CAND1: variants seen among roughly 807,000 people sequenced by gnomAD.
The protein encoded by CAND1 is cullin associated and neddylation dissociated 1.
A neutral mutation model predicts 108.5 loss-of-function variants in CAND1; 7 were observed. That is an observed-to-expected ratio of 0.06 (90% CI 0.04 to 0.12). CAND1 has a LOEUF of 0.12. Among genes scored for constraint, CAND1 ranks in the 10% least tolerant of loss-of-function variants. The pLI is 1.00. For missense variants in CAND1, 941 were observed against 1,448.7 expected (o/e 0.65, Z 5.69); for synonymous variants, 534 against 512.0 (o/e 1.04, Z -0.58).
chr12:67,292,730 T>C lies in CAND1; in HGVS notation c.321T>C (p.Ser107=). The change falls in exon 3 of 15, where the codon AGT becomes AGC. Residue 107 remains serine (S), a synonymous_variant. Coordinates refer to ENST00000545606, the MANE Select transcript of CAND1 (RefSeq NM_018448.5). ...AAGAACAACTTCGAGACATTTCAAG[T>C]ATTGGTCTTAAAACAGTAATTGGAG... ...SDKEQLRDIS[S]IGLKTVIGEL... is the part of the protein sequence containing the mutation. The C allele has an allele frequency of 6.2e-7, 1 of 1,613,840 alleles. No individual in the cohort carries two copies.
intron 2 of CAND1, among the ~76,000 whole-genome samples, chr12:67,284,837 C>T (rs2044655083): frequency 1.4e-5 from 1 of 70,720 alleles, no homozygotes; most frequent in Non-Finnish European, 3.8e-5. Flanking sequence ...ATACCAGATA[C>T]ATTCACCCTA....
chr12:67,312,343 CA>C (rs777387684), intron 14 of CAND1, among the ~76,000 whole-genome samples: 1 of 151,962 alleles, frequency 6.6e-6, no homozygotes, highest in Non-Finnish European at 1.5e-5. Flanking sequence ...ATAGTTGAAA[CA>C]AAGAGTGTCC....
chr12:67,303,493 T>C (rs1216752956), intron 8 of CAND1, among the ~76,000 whole-genome samples: 1 of 152,210 alleles, frequency 6.6e-6, no homozygotes, highest in Non-Finnish European at 1.5e-5. Flanking sequence ...AGTCAGGTAT[T>C]GCTCAGTAGA....
chr12:67,297,281 A>T, intron 4 of CAND1, 126 bp from the exon 5 acceptor site: 1 of 882,578 alleles, frequency 1.1e-6, no homozygotes, highest in Admixed American at 1.8e-5. Flanking sequence ...TTCTTTCACT[A>T]TGAATTAGTC....
At chr12:67,276,417 A>G (rs1440083728) in intron 1 of CAND1, among the ~76,000 whole-genome samples, 4 of 152,204 alleles carry the variant, frequency 2.6e-5, no homozygotes, top group African/African-American at 9.7e-5. Flanking sequence ...AGTCAGGGAA[A>G]ACACACACTT....
intron 2 of CAND1, among the ~76,000 whole-genome samples, chr12:67,289,343 AG>A (rs1442216457): frequency 6.7e-6 from 1 of 150,370 alleles, no homozygotes; most frequent in Non-Finnish European, 1.5e-5. Context: ...CCCAGCCTCC[AG>A]AGTAGCTGGG....
At chr12:67,312,343 CAAAG>C (rs1183391018) in intron 14 of CAND1, among the ~76,000 whole-genome samples, 12 of 151,962 alleles carry the variant, frequency 7.9e-5, no homozygotes, top group Non-Finnish European at 1.5e-5. Context: ...ATAGTTGAAA[CAAAG>C]AGTGTCCTAC....
In CAND1 at chr12:67,297,871, CTA is replaced by C. The variant is rs779890420; in HGVS notation, c.854+20_854+21del. 8 of 1,447,950 alleles carry C rather than the reference CTA, an allele frequency of 5.5e-6. No individual in the cohort carries two copies. Among genetic ancestry groups the C allele is most frequent in the South Asian group, 1.2e-5 (1 of 82,330 alleles). 89.7% of individuals were successfully genotyped at this position (1,447,950 alleles called of 1,614,324 possible). On this transcript the variant is annotated intron_variant, in intron 6 of 14. Transcript: ENST00000545606. ...GTAAGAAGGTAAGTTTTTAAGATCT[CTA>C]TTTTTTACAAAAAGTTTTTCCTTAA...
At chr12:67,290,760 G>A (rs2044715110) in intron 2 of CAND1, among the ~76,000 whole-genome samples, 1 of 152,032 alleles carries the variant, frequency 6.6e-6, no homozygotes, top group Non-Finnish European at 1.5e-5. Flanking sequence ...TAATATAGGG[G>A]TCCTTAAACC....
rs1234044449 is a variant in CAND1 at position 67,317,699 on chromosome 12, T to A, written c.*4869T>A. 1 of 152,136 alleles carries A rather than the reference T, an allele frequency of 6.6e-6. No homozygotes were observed. The highest frequency in any genetic ancestry group is 2.4e-5 in the African/African-American group (1 of 41,384). 9.4% of individuals were successfully genotyped at this position (152,136 alleles called of 1,614,324 possible). ...AGTTTTGCCATGTTGGCCAGGCTGGTTTCAAACTCCTGATCTTAGGTGATA... is the reference window on the plus strand; with the variant it reads ...AGTTTTGCCATGTTGGCCAGGCTGGATTCAAACTCCTGATCTTAGGTGATA... On this transcript the variant is annotated 3_prime_UTR_variant, in exon 15 of 15. Coordinates refer to ENST00000545606, the MANE Select transcript of CAND1 (RefSeq NM_018448.5).
At chr12:67,287,959 G>C (rs2044688018) in intron 2 of CAND1, among the ~76,000 whole-genome samples, 2 of 144,548 alleles carry the variant, frequency 1.4e-5, no homozygotes, top group Non-Finnish European at 3.0e-5. Flanking sequence ...GAATTCTACT[G>C]TGGTCAGGGC....
chr12:67,277,019 A>G (rs189325764), intron 1 of CAND1, among the ~76,000 whole-genome samples: 99 of 152,312 alleles, frequency 6.5e-4, no homozygotes, highest in African/African-American at 2.3e-3. Context: ...TGATGTGACA[A>G]TGGCTGCAGG....
Position 67,306,548 on chromosome 12 carries a change from A to G in CAND1, c.2880A>G (p.Leu960=). ...VVAECLGKLT[L]IDPETLLPRL... ...CTGAATGTCTAGGAAAACTCACTCT[A>G]ATTGATCCAGAAACTCTCCTTCCAC... Residue 960 remains leucine, a synonymous_variant, in exon 10 of 15, where the codon CTA becomes CTG. Transcript: ENST00000545606. 2 of 1,613,866 alleles carry G rather than the reference A, an allele frequency of 1.2e-6. No individual in the cohort carries two copies. The highest frequency in any genetic ancestry group is 1.7e-4 in the Middle Eastern group (1 of 6,060).
rs139225368 is a variant in CAND1 at position 67,316,437 on chromosome 12, T to C, written c.*3607T>C. 2.3e-4 allele frequency: 35 copies of C among 152,336 alleles called. No individual in the cohort carries two copies. Among genetic ancestry groups the C allele is most frequent in the African/African-American group, 8.4e-4 (35 of 41,572 alleles). 9.4% of individuals were successfully genotyped at this position (152,336 alleles called of 1,614,324 possible). A position where few individuals can be genotyped will look rare whatever the true frequency, so the allele number is the denominator to read the frequency against. On this transcript the variant is annotated 3_prime_UTR_variant, in exon 15 of 15. Coordinates refer to ENST00000545606, the MANE Select transcript of CAND1 (RefSeq NM_018448.5). ...GTTTTCCTATGAATATCAGAAAAGA[T>C]TTTGTAAACACCTTTGCTGTAGTTT...
In CAND1 at chr12:67,319,356, G is replaced by A. The variant is rs993999273; in HGVS notation, c.*6526G>A. On this transcript the variant is annotated 3_prime_UTR_variant, in exon 15 of 15. Transcript: ENST00000545606. ...CCTTCTCAAGTTTGCTCAAGGTCAA[G>A]TTATGCCTTTTGCCTGGAATGACTT... 3.9e-5 allele frequency: 6 copies of A among 152,180 alleles called. No individual in the cohort carries two copies. Among genetic ancestry groups the A allele is most frequent in the Non-Finnish European group, 8.8e-5 (6 of 68,036 alleles). 9.4% of individuals were successfully genotyped at this position (152,180 alleles called of 1,614,324 possible).
At chr12:67,280,203 AT>A (rs1269794478) in intron 1 of CAND1, among the ~76,000 whole-genome samples, 1 of 152,240 alleles carries the variant, frequency 6.6e-6, no homozygotes, top group Non-Finnish European at 1.5e-5. Context: ...CGTGGTAAGA[AT>A]TAAACTATTA....
chr12:67,305,325 T>G lies in CAND1; in HGVS notation c.1657T>G (p.Leu553Val). 1 of 1,614,152 alleles carries G rather than the reference T, an allele frequency of 6.2e-7. No homozygotes were observed. The highest frequency in any genetic ancestry group is 8.5e-7 in the Non-Finnish European group (1 of 1,180,006). Residue 553 changes from leucine to valine, a missense_variant, in exon 10 of 15, where the codon TTA becomes GTA. By Grantham distance (32) the Leu-to-Val change is conservative. Transcript: ENST00000545606. The surrounding 1 kb of genome is among the most constrained non-coding windows in gnomAD (Gnocchi z 4.4). ...TQQLVKVIRP[L>V]DQPSSFDATP... ...ACAGCTTGTCAAAGTAATTCGTCCT[T>G]TAGATCAGCCTTCCTCGTTTGATGC... is the stretch of plus-strand genomic sequence containing the variant.
At chr12:67,296,520 C>T (rs569406418) in intron 4 of CAND1, among the ~76,000 whole-genome samples, 2 of 151,620 alleles carry the variant, frequency 1.3e-5, no homozygotes, top group South Asian at 4.2e-4. Context: ...CTGCAGCCTC[C>T]GCCTCCTGGG....
chr12:67,289,279 C>T (rs1409281281), intron 2 of CAND1, among the ~76,000 whole-genome samples: 1 of 151,936 alleles, frequency 6.6e-6, no homozygotes, highest in African/African-American at 2.4e-5. Flanking sequence ...AGTGTGGTGG[C>T]GCCATCTCAG....
Sources: allele counts gnomAD v4.1 joint callset (sites outside exome capture counted in the v4.1 genomes callset), GRCh38; gene constraint gnomAD v4.1.1; non-coding constraint Gnocchi (gnomAD v3.1); transcripts MANE v1.5; gene names NCBI Gene and HGNC (gene_info 2026-07-23, HGNC 2026-07-21).